Variants in STK38L observed in about 807,000 individuals in gnomAD.
The protein encoded by STK38L is serine/threonine-protein kinase 38-like.
A neutral mutation model predicts 59.7 loss-of-function variants in STK38L; 28 were observed. The observed-to-expected ratio is 0.47, with a 90% confidence interval of 0.35 to 0.64. The LOEUF (loss-of-function observed/expected upper bound fraction) is 0.64. Among genes scored for constraint, STK38L ranks in the 30% least tolerant of loss-of-function variants. STK38L has a pLI of 0.01. For missense variants in STK38L, 314 were observed against 555.8 expected (o/e 0.56, Z 4.37); for synonymous variants, 162 against 176.8 (o/e 0.92, Z 0.66).
intron 1 of STK38L, among the ~76,000 whole-genome samples, chr12:27,269,318 C>A (rs945341140): frequency 2.0e-5 from 3 of 152,038 alleles, no homozygotes; most frequent in African/African-American, 7.3e-5. Context: ...GGAAGGGATC[C>A]AGTTTCAGCT....
intron 11 of STK38L, among the ~76,000 whole-genome samples, chr12:27,318,515 AC>A (rs1321142656): frequency 6.6e-6 from 1 of 152,166 alleles, no homozygotes. Flanking sequence ...ATGACCTTTG[AC>A]CCAGAAGTTC....
rs147339589 is a variant in STK38L, at chr12:27,301,111, T to G, written c.135-1026T>G. Among the ~76,000 whole-genome samples the G allele has an allele frequency of 1.3e-5, 2 of 152,300 alleles. 1 individual carries two copies. Among genetic ancestry groups the G allele is most frequent in the African/African-American group, 4.8e-5 (2 of 41,562 alleles). ...AGTTGCAAAATGTGTTCCACAACCA[T>G]CTCTCTAGTTTTAGTTACTTCATCC... On this transcript the variant is annotated intron_variant, in intron 2 of 13. Coordinates refer to ENST00000389032, the MANE Select transcript of STK38L (RefSeq NM_015000.4).
At chr12:27,288,807 CT>C (rs1943834811) in intron 1 of STK38L, among the ~76,000 whole-genome samples, 1 of 151,984 alleles carries the variant, frequency 6.6e-6, no homozygotes, top group Non-Finnish European at 1.5e-5. Context: ...CATACTCACT[CT>C]GGTCTCCCCT....
In STK38L at chr12:27,299,902, C is replaced by A. The variant is rs1944122462; in HGVS notation, c.134+2048C>A. Among the ~76,000 whole-genome samples the A allele has an allele frequency of 2.0e-5, 3 of 151,922 alleles. No individual in the cohort carries two copies. In the South Asian group the frequency reaches 6.2e-4, roughly 32 times the overall value. On this transcript the variant is annotated intron_variant, in intron 2 of 13. Transcript: ENST00000389032. Reference sequence around the variant, plus strand: ...CACAAAATAAGTTAGAAATAAAAATCTAAATATATCAATAATTAAATGAAT... The same window carrying A: ...CACAAAATAAGTTAGAAATAAAAATATAAATATATCAATAATTAAATGAAT...
At chr12:27,307,616 CAG>C (rs1048496225) in intron 3 of STK38L, among the ~76,000 whole-genome samples, 1 of 152,118 alleles carries the variant, frequency 6.6e-6, no homozygotes, top group African/African-American at 2.4e-5. Context: ...TGTCCAAAAA[CAG>C]AATTTTGATT....
chr12:27,248,991 T>C (rs1942916179), intron 1 of STK38L, among the ~76,000 whole-genome samples: 1 of 152,236 alleles, frequency 6.6e-6, no homozygotes, highest in Non-Finnish European at 1.5e-5. Context: ...ATAAAAAGTT[T>C]CCAAGTTCTT....
At chr12:27,283,451 G>T (rs1222416718) in intron 1 of STK38L, among the ~76,000 whole-genome samples, 2 of 152,148 alleles carry the variant, frequency 1.3e-5, no homozygotes, top group Admixed American at 1.3e-4. Context: ...ATAAATATTA[G>T]TTATTAATTT....
At chr12:27,272,435 C>T (rs1213752706) in intron 1 of STK38L, among the ~76,000 whole-genome samples, 1 of 152,106 alleles carries the variant, frequency 6.6e-6, no homozygotes, top group Non-Finnish European at 1.5e-5. Flanking sequence ...GCTTTGTTTT[C>T]CTTTTGATTT....
intron 2 of STK38L, chr12:27,300,510 C>T (rs1565544908): frequency 2.2e-6 from 1 of 455,780 alleles, no homozygotes; most frequent in Non-Finnish European, 4.4e-6. Flanking sequence ...GTTATAGCTC[C>T]TCCCAGAATA....
At chr12:27,297,899 T>C in intron 2 of STK38L, 45 bp downstream of exon 2, 2 of 1,605,392 alleles carry the variant, frequency 1.2e-6, no homozygotes, top group Non-Finnish European at 1.7e-6. Context: ...AAATAAGCTG[T>C]TGTGCTGTGA....
At chr12:27,263,041 T>C (rs941663315) in intron 1 of STK38L, among the ~76,000 whole-genome samples, 1 of 152,150 alleles carries the variant, frequency 6.6e-6, no homozygotes, top group African/African-American at 2.4e-5. Flanking sequence ...CCCACCCACC[T>C]GGGCCTCCCA....
intron 2 of STK38L, chr12:27,300,697 C>A: frequency 2.2e-6 from 1 of 446,062 alleles, no homozygotes; most frequent in South Asian, 1.6e-5. Context: ...AGACAAAAAT[C>A]AGTGTAATAA....
At chr12:27,300,970 G>A (rs749265363) in intron 2 of STK38L, among the ~76,000 whole-genome samples, 2 of 152,194 alleles carry the variant, frequency 1.3e-5, no homozygotes, top group Non-Finnish European at 2.9e-5. Context: ...GTTAAATCCT[G>A]AAAAGTTACT....
intron 1 of STK38L, among the ~76,000 whole-genome samples, chr12:27,283,589 T>G (rs1341665581): frequency 6.6e-6 from 1 of 152,200 alleles, no homozygotes; most frequent in Non-Finnish European, 1.5e-5. Context: ...ACTCAACAGT[T>G]AAAACTGGAT....
At chr12:27,253,634 A>G (rs1290683227) in intron 1 of STK38L, among the ~76,000 whole-genome samples, 1 of 152,184 alleles carries the variant, frequency 6.6e-6, no homozygotes, top group African/African-American at 2.4e-5. Context: ...GAGCAGTGAG[A>G]GGCACACCTA....
intron 5 of STK38L, among the ~76,000 whole-genome samples, chr12:27,311,848 C>T (rs1188138688): frequency 1.3e-5 from 2 of 151,702 alleles, no homozygotes; most frequent in Non-Finnish European, 2.9e-5. Context: ...TTTAGCCAAG[C>T]TTAGGTTTGC....
intron 1 of STK38L, among the ~76,000 whole-genome samples, chr12:27,269,844 T>A (rs555135275): frequency 1.3e-5 from 2 of 152,290 alleles, no homozygotes; most frequent in East Asian, 3.9e-4. Flanking sequence ...TGTTTCGCCA[T>A]GTTGGCCAGG....
At chr12:27,283,506 A>T (rs1406868535) in intron 1 of STK38L, among the ~76,000 whole-genome samples, 1 of 152,190 alleles carries the variant, frequency 6.6e-6, no homozygotes, top group East Asian at 1.9e-4. Context: ...GAACACTGAC[A>T]CCCTGAGAGT....
At chr12:27,302,084 G>C in intron 2 of STK38L, 53 bp from the exon 3 acceptor site, 1 of 1,400,790 alleles carries the variant, frequency 7.1e-7, no homozygotes, top group Non-Finnish European at 9.9e-7. Flanking sequence ...TATTTCTTAA[G>C]TGGAAATAGT....
Sources: allele counts gnomAD v4.1 joint callset (sites outside exome capture counted in the v4.1 genomes callset), GRCh38; gene constraint gnomAD v4.1.1; transcripts MANE v1.5; gene names NCBI Gene and HGNC (gene_info 2026-07-23, HGNC 2026-07-21).